Variants in NEK11 observed in about 807,000 individuals in gnomAD.
The protein encoded by NEK11 is serine/threonine-protein kinase Nek11.
In NEK11, 72 loss-of-function variants were observed where a neutral mutation model predicts 80.7. The ratio of observed to expected loss-of-function variants is 0.89; its 90% CI spans 0.74 to 1.08. NEK11 has a LOEUF of 1.08. Ranked by LOEUF, NEK11 falls within the 50% of genes least tolerant of loss-of-function variation. NEK11 has a pLI of 0.00. For synonymous variants in NEK11, 251 were observed against 260.7 expected (o/e 0.96, Z 0.36); for missense variants, 764 against 763.6 (o/e 1.00, Z -0.01).
chr3:131,229,963 C>T (rs561249463), intron 15 of NEK11, among the ~76,000 whole-genome samples: 126 of 152,254 alleles, frequency 8.3e-4, no homozygotes, highest in Non-Finnish European at 1.6e-3. Context: ...AAAACAACAG[C>T]ACCTCCTACC....
At chr3:131,175,012 GTGCTT>G (rs2092925387) in intron 14 of NEK11, 1 of 1,302,036 alleles carries the variant, frequency 7.7e-7, no homozygotes, top group Non-Finnish European at 9.7e-7. Flanking sequence ...GTAGGTGGTT[GTGCTT>G]TGCTTGCCTG....
chr3:131,340,687 TCCTTC>T (rs1561634119), intron 17 of NEK11, among the ~76,000 whole-genome samples: 2 of 152,114 alleles, frequency 1.3e-5, no homozygotes, highest in Non-Finnish European at 2.9e-5. Flanking sequence ...TAGGGAACCT[TCCTTC>T]AGGACTCCTG....
chr3:131,033,578 A>C (rs1286627445), intron 3 of NEK11, among the ~76,000 whole-genome samples: 2 of 152,196 alleles, frequency 1.3e-5, no homozygotes, highest in Non-Finnish European at 2.9e-5. Flanking sequence ...TCTATATTTA[A>C]TCAAAGAACT....
intron 16 of NEK11, among the ~76,000 whole-genome samples, chr3:131,258,272 T>TCCATATATA (rs2095853275): frequency 6.6e-6 from 1 of 151,914 alleles, no homozygotes; most frequent in Non-Finnish European, 1.5e-5. Context: ...AAAGAACTTA[T>TCCATATATA]CCATATAGCC....
At chr3:131,322,007 A>G (rs1222667492) in intron 17 of NEK11, among the ~76,000 whole-genome samples, 1 of 152,218 alleles carries the variant, frequency 6.6e-6, no homozygotes. Flanking sequence ...CTAAAAGAAA[A>G]CAAAGTGTTC....
rs80145652 is a variant in NEK11, at chr3:131,103,985, A to T, written c.337-5818A>T. ...CCTCAGGGGGTGCCACCCCAAAGAA[A>T]TGCATAGCTATGGCTAATTTGAGTG... On this transcript the variant is annotated intron_variant, in intron 4 of 17. Transcript: ENST00000383366. 2.1e-3 allele frequency among the ~76,000 whole-genome samples: 315 copies of T among 152,294 alleles called. 2 individuals are homozygous for T. Among genetic ancestry groups the T allele is most frequent in the African/African-American group, 7.0e-3 (292 of 41,554 alleles).
chr3:131,188,872 G>A (rs893856782), intron 14 of NEK11, among the ~76,000 whole-genome samples: 1 of 152,034 alleles, frequency 6.6e-6, no homozygotes, highest in Non-Finnish European at 1.5e-5. Context: ...AGATATGTCT[G>A]CTTGGAACCT....
At position 131,109,839 on chromosome 3, in the gene NEK11, C is replaced by A; in HGVS notation, c.373C>A (p.Gln125Lys). Residue 125 changes from glutamine (Q) to lysine (K), a missense_variant, in exon 5 of 18, where the codon CAA becomes AAA. Coordinates refer to ENST00000383366, the MANE Select transcript of NEK11 (RefSeq NM_024800.5). ...GGACGATAAAATTCAGGAATATAAA[C>A]AAGCTGGAAAAATCTTTCCAGAAAA... is the stretch of plus-strand genomic sequence containing the variant. ...DLDDKIQEYK[Q>K]AGKIFPENQI... The A allele has an allele frequency of 1.2e-6, 2 of 1,604,708 alleles. No homozygotes were observed. The highest frequency in any genetic ancestry group is 1.7e-5 in the Admixed American group (1 of 57,988).
intron 14 of NEK11, among the ~76,000 whole-genome samples, chr3:131,173,477 T>G (rs2092815449): frequency 6.6e-6 from 1 of 151,794 alleles, no homozygotes; most frequent in African/African-American, 2.4e-5. Flanking sequence ...ATAGGAAAAG[T>G]ACTTAATACT....
At chr3:131,239,294 G>A (rs566308783) in intron 15 of NEK11, among the ~76,000 whole-genome samples, 13 of 152,252 alleles carry the variant, frequency 8.5e-5, no homozygotes, top group African/African-American at 2.4e-4. Context: ...GACTGAGGAC[G>A]TGCCTGGGGT....
At chr3:131,090,899 A>C (rs2076645286) in intron 4 of NEK11, among the ~76,000 whole-genome samples, 1 of 152,148 alleles carries the variant, frequency 6.6e-6, no homozygotes, top group South Asian at 2.1e-4. Context: ...CAAGCAGCTG[A>C]GAATATAGGC....
chr3:131,229,509 CCTGAGTGAAGA>C (rs1384292995), intron 15 of NEK11, among the ~76,000 whole-genome samples: 2 of 151,904 alleles, frequency 1.3e-5, no homozygotes, highest in Admixed American at 1.3e-4. Flanking sequence ...CCAAAGGGCA[CCTGAGTGAAGA>C]CTCAGCTAGA....
At chr3:131,262,530 A>G (rs2095946829) in intron 16 of NEK11, among the ~76,000 whole-genome samples, 1 of 151,998 alleles carries the variant, frequency 6.6e-6, no homozygotes, top group Non-Finnish European at 1.5e-5. Context: ...TTCTTGCCCA[A>G]TTTCCCTGGC....
At chr3:131,028,781 C>T (rs1472691821) in intron 2 of NEK11, among the ~76,000 whole-genome samples, 1 of 151,996 alleles carries the variant, frequency 6.6e-6, no homozygotes, top group Non-Finnish European at 1.5e-5. Context: ...GTCTCGATCT[C>T]CTGACCTCGT....
At chr3:131,195,820 A>ATATAT (rs1553929089) in intron 14 of NEK11, among the ~76,000 whole-genome samples, 12 of 143,478 alleles carry the variant, frequency 8.4e-5, no homozygotes, top group South Asian at 4.4e-4. Flanking sequence ...ATATATATAT[A>ATATAT]AAATTGAAGA....
At chr3:131,248,476 A>C (rs1426528323) in intron 16 of NEK11, among the ~76,000 whole-genome samples, 2 of 152,064 alleles carry the variant, frequency 1.3e-5, no homozygotes, top group Non-Finnish European at 2.9e-5. Context: ...TGGGTCTGGA[A>C]AAATGCTTGG....
At chr3:131,214,373 T>C (rs1402438552) in intron 14 of NEK11, among the ~76,000 whole-genome samples, 1 of 152,186 alleles carries the variant, frequency 6.6e-6, no homozygotes, top group Non-Finnish European at 1.5e-5. Flanking sequence ...CGAGTTGTCT[T>C]CTGCCTCCAA....
chr3:131,090,343 G>A (rs1330312279), intron 4 of NEK11, among the ~76,000 whole-genome samples: 1 of 152,158 alleles, frequency 6.6e-6, no homozygotes, highest in Non-Finnish European at 1.5e-5. Flanking sequence ...TTAACATCAA[G>A]TCTTTTATTG....
chr3:131,175,080 C>T (rs1474693306), intron 14 of NEK11: 1 of 1,134,172 alleles, frequency 8.8e-7, no homozygotes, highest in African/African-American at 1.6e-5. Flanking sequence ...CTTACGATAT[C>T]ACCTCTTCTT....
Sources: gnomAD v4.1 joint callset for allele counts (sites outside exome capture counted in the v4.1 genomes callset) on GRCh38, gnomAD v4.1.1 for gene constraint, MANE v1.5 for transcripts, NCBI Gene and HGNC (gene_info 2026-07-23, HGNC 2026-07-21) for gene names.